The following DNAH6 variants were observed in gnomAD, a reference collection of about 807,000 sequenced individuals.
The protein encoded by DNAH6 is dynein axonemal heavy chain 6, also known as axonemal beta dynein heavy chain 6.
In DNAH6, 340 loss-of-function variants were observed where a neutral mutation model predicts 491.4. The ratio of observed to expected loss-of-function variants is 0.69; its 90% confidence interval spans 0.63 to 0.76. The LOEUF is 0.76. Among genes scored for constraint, DNAH6 ranks in the 30% least tolerant of loss-of-function variants. The probability of loss-of-function intolerance (pLI) is 0.00; values close to 1 mark genes in which losing one functional copy is unlikely to be tolerated. For missense variants in DNAH6, 4,443 were observed against 4,972.2 expected, an observed-to-expected ratio of 0.89 and a Z score of 3.20; for synonymous variants, 1,603 against 1,686.1, an observed-to-expected ratio of 0.95 and a Z score of 1.21.
At chr2:84,727,974 G>T (rs1022627318) in intron 61 of DNAH6, 72 bp downstream of exon 61, 7 of 960,766 alleles carry the variant, frequency 7.3e-6, no homozygotes, top group Non-Finnish European at 8.0e-6. Context: ...ATTTTGAATT[G>T]TAGCTACCAT....
In DNAH6 at chr2:84,727,846, A is replaced by T. The variant is rs1280211915; in HGVS notation, c.10150A>T (p.Thr3384Ser). The change falls in exon 61 of 77, where the codon ACC becomes TCC. Residue 3384 changes from threonine (T) to serine (S), a missense_variant. Physicochemically the swap from Thr to Ser is moderately conservative, Grantham distance 58 (BLOSUM62 1). This residue lies in a region of DNAH6 where 1,463 missense variants were observed against 1,656.6 expected (regional missense o/e 0.88). Coordinates refer to ENST00000389394, the MANE Select transcript of DNAH6 (RefSeq NM_001370.2). ...LCVEMMRQQGTLSDAEWNFFL... is the reference protein window; with the variant it reads ...LCVEMMRQQGSLSDAEWNFFL... ...TGTTGAGATGATGCGTCAGCAAGGA[A>T]CCCTATCTGATGCTGAATGGAATTT... 1 of 1,552,066 alleles carries T rather than the reference A, an allele frequency of 6.4e-7. No individual in the cohort carries two copies. The highest frequency in any genetic ancestry group is 1.2e-5 in the South Asian group (1 of 84,062).
At chr2:84,635,583 A>G (rs1036910496) in intron 30 of DNAH6, among the ~76,000 whole-genome samples, 9 of 152,160 alleles carry the variant, frequency 5.9e-5, no homozygotes, top group Non-Finnish European at 4.4e-5. Context: ...AGCAAAGTAT[A>G]TGGAGTAAGG....
intron 22 of DNAH6, among the ~76,000 whole-genome samples, chr2:84,616,313 A>G (rs553052986): frequency 1.3e-5 from 2 of 152,058 alleles, no homozygotes; most frequent in African/African-American, 4.8e-5. Flanking sequence ...GTTGTTGTCT[A>G]TCTCATTTCT....
chr2:84,515,886 C>A (rs535666715), upstream of DNAH6, among the ~76,000 whole-genome samples: 1 of 152,296 alleles, frequency 6.6e-6, no homozygotes, highest in African/African-American at 2.4e-5. Context: ...CCAAGTAATA[C>A]GGGCTCATCC....
intron 10 of DNAH6, among the ~76,000 whole-genome samples, chr2:84,556,615 G>GA (rs1166477360): frequency 6.6e-6 from 1 of 152,004 alleles, no homozygotes; most frequent in Non-Finnish European, 1.5e-5. Flanking sequence ...AAAAACACAG[G>GA]AAAAGATTAT....
At chr2:84,499,251 T>C in the DNAH6 span, among the ~76,000 whole-genome samples, 1 of 151,882 alleles carries the variant, frequency 6.6e-6, no homozygotes, top group South Asian at 2.1e-4. Context: ...ATGAGTTCAA[T>C]TGTTTTGATT....
intron 3 of DNAH6, among the ~76,000 whole-genome samples, chr2:84,525,986 T>G (rs1173529523): frequency 6.6e-6 from 1 of 152,164 alleles, no homozygotes; most frequent in African/African-American, 2.4e-5. Flanking sequence ...AAAGAAGATA[T>G]AATAGTATTT....
intron 33 of DNAH6, among the ~76,000 whole-genome samples, chr2:84,649,220 G>A (rs1276859160): frequency 6.6e-6 from 1 of 152,166 alleles, no homozygotes; most frequent in Non-Finnish European, 1.5e-5. Context: ...ATTCATATGA[G>A]TTGCTTTATT....
rs1288635329 is a variant in DNAH6, at chr2:84,644,246, C to G, written c.5078+2192C>G. On this transcript the variant is annotated intron_variant, in intron 33 of 76. Coordinates refer to ENST00000389394, the MANE Select transcript of DNAH6 (RefSeq NM_001370.2). ...TAGCGCCAGCTGGAGTTGATGTTTC[C>G]CCTCCCCCGGATCTGTTAAGCTCTG... 2.6e-5 allele frequency among the ~76,000 whole-genome samples: 4 copies of G among 152,160 alleles called. No individual in the cohort carries two copies. In the Middle Eastern group the frequency reaches 0.01, roughly 388 times the overall value.
chr2:84,610,677 C>A (rs186637456), intron 21 of DNAH6, among the ~76,000 whole-genome samples: 2 of 152,274 alleles, frequency 1.3e-5, no homozygotes, highest in East Asian at 3.9e-4. Flanking sequence ...CATTTCTAGA[C>A]ATGCTAATAT....
intron 37 of DNAH6, among the ~76,000 whole-genome samples, chr2:84,665,428 A>G (rs1692007365): frequency 6.6e-6 from 1 of 152,212 alleles, no homozygotes; most frequent in Non-Finnish European, 1.5e-5. Context: ...ATCACCACCA[A>G]TCCCACAGAA....
At position 84,595,799 on chromosome 2, in the gene DNAH6, G is replaced by T. The variant is rs1372147551; in HGVS notation, c.2868+10G>T. The T allele has an allele frequency of 3.9e-6, 6 of 1,536,074 alleles. No homozygotes were observed. The highest frequency in any genetic ancestry group is 3.5e-6 in the Non-Finnish European group (4 of 1,142,084). ...AAAAATGAAAGAAAAGGTAAGGTTG[G>T]TAGAAGTTATTTCAAAAACTGTAGG... On this transcript the variant is annotated intron_variant, in intron 18 of 76. Transcript: ENST00000389394.
chr2:84,506,723 C>A, the DNAH6 span, among the ~76,000 whole-genome samples: 1 of 152,126 alleles, frequency 6.6e-6, no homozygotes. Context: ...AGTCTTTAAC[C>A]ATCTTGAATT....
At chr2:84,564,169 T>A (rs1680942731) in intron 11 of DNAH6, among the ~76,000 whole-genome samples, 1 of 152,196 alleles carries the variant, frequency 6.6e-6, no homozygotes, top group Non-Finnish European at 1.5e-5. Flanking sequence ...AGAATTGCTT[T>A]GGCTAGTTGG....
the DNAH6 span, among the ~76,000 whole-genome samples, chr2:84,510,429 G>A: frequency 6.6e-6 from 1 of 152,216 alleles, no homozygotes; most frequent in East Asian, 1.9e-4. Flanking sequence ...GCTCCATCAG[G>A]TCCTTTAAGG....
chr2:84,763,950 A>C (rs1674835666), intron 64 of DNAH6, among the ~76,000 whole-genome samples: 1 of 152,126 alleles, frequency 6.6e-6, no homozygotes, highest in Non-Finnish European at 1.5e-5. Context: ...CCAGAAAAAA[A>C]CCGATGTTCC....
the DNAH6 span, among the ~76,000 whole-genome samples, chr2:84,481,644 A>G: frequency 1.3e-5 from 2 of 152,262 alleles, no homozygotes; most frequent in East Asian, 3.9e-4. Context: ...TTTGTTCCCC[A>G]TATGCTGCAA....
chr2:84,460,715 A>T, the DNAH6 span, among the ~76,000 whole-genome samples: 1 of 152,224 alleles, frequency 6.6e-6, no homozygotes, highest in Non-Finnish European at 1.5e-5. Flanking sequence ...ATCCACAGGC[A>T]ATGTTTGATG....
chr2:84,671,941 A>G (rs1692778828), intron 39 of DNAH6, among the ~76,000 whole-genome samples: 1 of 152,192 alleles, frequency 6.6e-6, no homozygotes. Context: ...ATGAAAGGAA[A>G]CTTTGGCATT....
Sources: gnomAD v4.1 joint callset for allele counts (sites outside exome capture counted in the v4.1 genomes callset) on GRCh38, gnomAD v4.1.1 for gene constraint, gnomAD v4.1.1 regional missense constraint, MANE v1.5 for transcripts, NCBI Gene and HGNC (gene_info 2026-07-23, HGNC 2026-07-21) for gene names.